Variants in DSCAM observed in about 807,000 individuals in gnomAD.
DSCAM encodes the protein cell adhesion molecule DSCAM.
DSCAM carries 47 observed loss-of-function variants against 217.7 expected under a neutral mutation model. The ratio of observed to expected loss-of-function variants is 0.22; its 90% CI spans 0.17 to 0.28. The LOEUF (loss-of-function observed/expected upper bound fraction) is 0.28, where lower values mean the gene tolerates loss of function less well. Ranked by LOEUF, DSCAM falls within the 10% of genes least tolerant of loss-of-function variation. The pLI, the probability that DSCAM is intolerant of heterozygous loss-of-function variation, is 1.00. For missense variants in DSCAM, 2,080 were observed against 2,618.3 expected, an observed-to-expected ratio of 0.79 and a Z score of 4.49; for synonymous variants, 1,056 against 1,015.3, an observed-to-expected ratio of 1.04 and a Z score of -0.76.
chr21:40,843,533 C>G (rs745602367), intron 1 of DSCAM, among the ~76,000 whole-genome samples: 7 of 152,114 alleles, frequency 4.6e-5, no homozygotes, highest in Non-Finnish European at 8.8e-5. Flanking sequence ...AGAATGTGCT[C>G]TGGGGTTAAA....
intron 19 of DSCAM, among the ~76,000 whole-genome samples, chr21:40,132,149 G>A (rs2146686853): frequency 6.6e-6 from 1 of 152,284 alleles, no homozygotes; most frequent in South Asian, 2.1e-4. Context: ...CTACTCTGAA[G>A]GAGTGGAGAG....
rs991500164 is a variant in DSCAM, at chr21:40,498,607, TATA to T, written c.509-129365_509-129363del. ...TATATATACAGTATGTGTATATATATATAATATGTATATATGCACTATGTATAT... is the reference window on the plus strand; with the variant it reads ...TATATATACAGTATGTGTATATATATATATGTATATATGCACTATGTATAT... On this transcript the variant is annotated intron_variant, in intron 3 of 32. Coordinates refer to ENST00000400454, the MANE Select transcript of DSCAM (RefSeq NM_001389.5). Among the ~76,000 whole-genome samples, 14 of 145,152 alleles carry T rather than the reference TATA, an allele frequency of 9.6e-5. No homozygotes were observed. In the East Asian group the frequency reaches 2.8e-3, roughly 29 times the overall value.
intron 8 of DSCAM, among the ~76,000 whole-genome samples, chr21:40,323,078 T>C (rs1372366890): frequency 2.0e-5 from 3 of 152,148 alleles, no homozygotes; most frequent in Non-Finnish European, 4.4e-5. Context: ...TAGTGACTGA[T>C]TGAGGAGCAA....
intron 28 of DSCAM, among the ~76,000 whole-genome samples, chr21:40,062,189 A>G (rs1250144274): frequency 2.0e-5 from 3 of 152,224 alleles, no homozygotes; most frequent in African/African-American, 7.2e-5. Flanking sequence ...AGCTTTGCCA[A>G]TCACAAGCCT....
At chr21:40,081,933 C>A (rs2089468284) in intron 24 of DSCAM, among the ~76,000 whole-genome samples, 1 of 152,210 alleles carries the variant, frequency 6.6e-6, no homozygotes. Flanking sequence ...CATGCTCTCA[C>A]ACTTGTAGAA....
intron 32 of DSCAM, among the ~76,000 whole-genome samples, chr21:40,042,126 C>G (rs938285445): frequency 6.6e-6 from 1 of 152,184 alleles, no homozygotes; most frequent in African/African-American, 2.4e-5. Context: ...GGATCCCCAG[C>G]CCCAGGAGAG....
At chr21:40,055,685 G>A in intron 29 of DSCAM, 40 bp downstream of exon 29, 1 of 1,487,356 alleles carries the variant, frequency 6.7e-7, no homozygotes, top group Non-Finnish European at 9.4e-7. Flanking sequence ...GCATGGCTGT[G>A]GCAGCCACTT....
intron 4 of DSCAM, among the ~76,000 whole-genome samples, chr21:40,364,797 T>TAC (rs1601589374): frequency 6.8e-6 from 1 of 148,100 alleles, no homozygotes; most frequent in South Asian, 2.1e-4. Flanking sequence ...TACATATATA[T>TAC]ACACACTAAG....
intron 11 of DSCAM, among the ~76,000 whole-genome samples, chr21:40,225,695 T>TAC (rs1480803072): frequency 6.6e-6 from 1 of 152,138 alleles, no homozygotes; most frequent in Non-Finnish European, 1.5e-5. Context: ...TCCCTATCCC[T>TAC]ACCTATTACC....
rs956086614 is a variant in DSCAM, at chr21:40,332,830, T to G, written c.1783+5271A>C. Among the ~76,000 whole-genome samples, 3 of 152,316 alleles carry G rather than the reference T, an allele frequency of 2.0e-5. 1 individual carries two copies. In the South Asian group the frequency reaches 6.2e-4, roughly 32 times the overall value. On this transcript the variant is annotated intron_variant, in intron 8 of 32. Transcript: ENST00000400454. ...TGAAATAAAAAAAATTGCAGGCATA[T>G]GCTCCAAAATAAGCAAAGGGTTATG...
chr21:40,667,490 C>G (rs2142126), intron 3 of DSCAM, among the ~76,000 whole-genome samples: 5,409 of 152,282 alleles, frequency 0.036, 312 homozygotes, highest in African/African-American at 0.12. Flanking sequence ...TGGGACAAAT[C>G]TGACCTCAGT....
intron 1 of DSCAM, among the ~76,000 whole-genome samples, chr21:40,734,734 C>T (rs559286863): frequency 2.0e-5 from 3 of 152,228 alleles, no homozygotes; most frequent in Non-Finnish European, 4.4e-5. Context: ...GATTTCCACA[C>T]CCTTCTTTTC....
chr21:40,129,427 C>T (rs1256952908), intron 19 of DSCAM, among the ~76,000 whole-genome samples: 1 of 152,138 alleles, frequency 6.6e-6, no homozygotes, highest in African/African-American at 2.4e-5. Context: ...TGTGGAAACC[C>T]AGCACATAAC....
chr21:40,196,829 A>G (rs1011151168), intron 11 of DSCAM, among the ~76,000 whole-genome samples: 1 of 152,222 alleles, frequency 6.6e-6, no homozygotes. Context: ...GCCATACGAC[A>G]TGATGGAATA....
At chr21:40,672,081 G>T (rs1240329010) in intron 3 of DSCAM, among the ~76,000 whole-genome samples, 2 of 152,192 alleles carry the variant, frequency 1.3e-5, no homozygotes, top group Non-Finnish European at 2.9e-5. Flanking sequence ...AAGCTCTCTG[G>T]TGTCTCTCCC....
intron 1 of DSCAM, among the ~76,000 whole-genome samples, chr21:40,836,247 C>T (rs906061509): frequency 2.0e-5 from 3 of 152,186 alleles, no homozygotes; most frequent in Non-Finnish European, 4.4e-5. Context: ...GCTGGGACTC[C>T]AGCTGCTATC....
At chr21:40,461,132 A>T (rs1313629494) in intron 3 of DSCAM, among the ~76,000 whole-genome samples, 1 of 149,176 alleles carries the variant, frequency 6.7e-6, no homozygotes, top group Non-Finnish European at 1.5e-5. Context: ...GAAAGAAAAA[A>T]CATGAATGAA....
chr21:40,149,454 C>T (rs1381799822), intron 16 of DSCAM, among the ~76,000 whole-genome samples: 1 of 138,782 alleles, frequency 7.2e-6, no homozygotes, highest in Non-Finnish European at 1.6e-5. Context: ...GTCACCACAA[C>T]ATCCAATACT....
chr21:40,676,426 G>T (rs2090339002), intron 3 of DSCAM, among the ~76,000 whole-genome samples: 1 of 152,200 alleles, frequency 6.6e-6, no homozygotes, highest in Non-Finnish European at 1.5e-5. Context: ...GGAGAACCCT[G>T]GGAGGCACGG....
Sources: gnomAD v4.1 joint callset for allele counts (sites outside exome capture counted in the v4.1 genomes callset) on GRCh38, gnomAD v4.1.1 for gene constraint, MANE v1.5 for transcripts, NCBI Gene and HGNC (gene_info 2026-07-23, HGNC 2026-07-21) for gene names.